Variants in FOXK1 observed in about 807,000 individuals in gnomAD.
The protein encoded by FOXK1 is forkhead box protein K1.
In FOXK1, 19 loss-of-function variants were observed where a neutral mutation model predicts 51.9. That is an observed-to-expected ratio of 0.37 (90% CI 0.26 to 0.54). The LOEUF is 0.54. Among genes scored for constraint, FOXK1 ranks in the 20% least tolerant of loss-of-function variants. The probability of loss-of-function intolerance (pLI) is 0.87; values close to 1 mark genes in which losing one functional copy is unlikely to be tolerated. For synonymous variants in FOXK1, 537 were observed against 482.6 expected (o/e 1.11, Z -1.48); for missense variants, 870 against 1,032.7 (o/e 0.84, Z 2.16).
Position 4,723,096 on chromosome 7 carries a change from T to G in FOXK1, c.561-17742T>G, listed in dbSNP as rs1243910957. 6.6e-6 allele frequency among the ~76,000 whole-genome samples: 1 copy of G among 151,902 alleles called. No homozygotes were observed. The highest frequency in any genetic ancestry group is 1.5e-5 in the Non-Finnish European group (1 of 68,004). ...CCCGTCTTCCCAAGCCTGTTGACGA[T>G]GATGGTAACGGCACCGTGCTCACTC... On this transcript the variant is annotated intron_variant, in intron 1 of 8. Coordinates refer to ENST00000328914, the MANE Select transcript of FOXK1 (RefSeq NM_001037165.2). This position sits in a 1 kb window ranked among gnomAD's most constrained non-coding sequence, Gnocchi z 4.7.
intron 1 of FOXK1, among the ~76,000 whole-genome samples, chr7:4,721,342 A>G (rs1780306700): frequency 6.6e-6 from 1 of 152,102 alleles, no homozygotes; most frequent in African/African-American, 2.4e-5. Context: ...GCAGCCCATA[A>G]TGGTGCAACC....
At position 4,722,541 on chromosome 7, in the gene FOXK1, G is replaced by A. The variant is rs974179030; in HGVS notation, c.561-18297G>A. Among the ~76,000 whole-genome samples, 6 of 152,214 alleles carry A rather than the reference G, an allele frequency of 3.9e-5. No individual in the cohort carries two copies. The highest frequency in any genetic ancestry group is 1.3e-4 in the Admixed American group (2 of 15,276). ...CCAGCGTGCTGGGACGGGTACACTC[G>A]TGCCTGTTAACCGCACACCTGCGTG... On this transcript the variant is annotated intron_variant, in intron 1 of 8. Transcript: ENST00000328914. This position sits in a 1 kb window ranked among gnomAD's most constrained non-coding sequence, Gnocchi z 5.1.
At position 4,754,544 on chromosome 7, in the gene FOXK1, C is replaced by T. The variant is rs770113527; in HGVS notation, c.832C>T (p.Leu278=). 1.1e-5 allele frequency: 17 copies of T among 1,611,522 alleles called. No individual in the cohort carries two copies. The highest frequency in any genetic ancestry group is 1.3e-5 in the African/African-American group (1 of 74,956). ...GCAGAACGTGACCTCGGACCTGCAG[C>T]TGGCAGCAGAGTTTGCAGCAAAGGC... The part of the protein sequence containing the change: ...FVQNVTSDLQ[L]AAEFAAKAAS... The change falls in exon 3 of 9, where the codon CTG becomes TTG. Residue 278 remains leucine (L), a synonymous_variant. Coordinates refer to ENST00000328914, the MANE Select transcript of FOXK1 (RefSeq NM_001037165.2).
At chr7:4,754,236 C>T (rs1485083026) in intron 2 of FOXK1, among the ~76,000 whole-genome samples, 1 of 152,234 alleles carries the variant, frequency 6.6e-6, no homozygotes, top group Non-Finnish European at 1.5e-5. Context: ...GTGCTCTCAG[C>T]CCCCGAGCAG....
intron 1 of FOXK1, among the ~76,000 whole-genome samples, chr7:4,702,499 T>C (rs1010252298): frequency 6.6e-6 from 1 of 152,170 alleles, no homozygotes; most frequent in African/African-American, 2.4e-5. Context: ...CGCGCCACCA[T>C]GCCTGGCTAA....
chr7:4,716,760 A>G (rs1408748465), intron 1 of FOXK1, among the ~76,000 whole-genome samples: 6 of 152,166 alleles, frequency 3.9e-5, no homozygotes, highest in Non-Finnish European at 8.8e-5. Context: ...GGGTGTCTCC[A>G]TTTTACTGGT....
intron 1 of FOXK1, among the ~76,000 whole-genome samples, chr7:4,716,455 A>G (rs1583192555): frequency 6.6e-6 from 1 of 152,266 alleles, no homozygotes; most frequent in Non-Finnish European, 1.5e-5. Flanking sequence ...GCCGTAAGCT[A>G]TGATGGCACC....
At chr7:4,721,599 T>C (rs1486310230) in intron 1 of FOXK1, among the ~76,000 whole-genome samples, 1 of 145,048 alleles carries the variant, frequency 6.9e-6, no homozygotes, top group African/African-American at 2.5e-5. Context: ...CTTTTTTTTT[T>C]TTTTTTTTTG....
At position 4,723,864 on chromosome 7, in the gene FOXK1, T is replaced by G. The variant is rs1335626206; in HGVS notation, c.561-16974T>G. Among the ~76,000 whole-genome samples the G allele has an allele frequency of 6.6e-6, 1 of 152,014 alleles. No homozygotes were observed. Among genetic ancestry groups the G allele is most frequent in the Non-Finnish European group, 1.5e-5 (1 of 68,014 alleles). ...TTTGTATTTTTGGTAAAGATGGGGA[T>G]CTCACTATGTTGCCCAGGCCGGTCT... On this transcript the variant is annotated intron_variant, in intron 1 of 8. Coordinates refer to ENST00000328914, the MANE Select transcript of FOXK1 (RefSeq NM_001037165.2). This position sits in a 1 kb window ranked among gnomAD's most constrained non-coding sequence, Gnocchi z 4.7.
rs142010184 is a variant in FOXK1, at chr7:4,750,900, C to T, written c.747-3559C>T. ...TGCATTTTCAGTAGAGACGGGATTT[C>T]TCTAAATCGGGCAGGCTGGTCTCGA... On this transcript the variant is annotated intron_variant, in intron 2 of 8. Transcript: ENST00000328914. Among the ~76,000 whole-genome samples the T allele has an allele frequency of 9.9e-5, 15 of 152,044 alleles. No individual in the cohort carries two copies. The East Asian group carries it at 2.9e-3, about 29-fold the overall frequency.
intron 1 of FOXK1, among the ~76,000 whole-genome samples, chr7:4,690,077 G>A (rs1028858595): frequency 6.6e-6 from 1 of 152,224 alleles, no homozygotes; most frequent in Admixed American, 6.5e-5. Flanking sequence ...GATTAGGGAG[G>A]GTTGGTCTGT....
Position 4,755,402 on chromosome 7 carries a change from G to C in FOXK1, c.1050+19G>C, listed in dbSNP as rs80027799. 6.2e-6 allele frequency: 10 copies of C among 1,612,596 alleles called. No individual in the cohort carries two copies. Among genetic ancestry groups the C allele is most frequent in the Non-Finnish European group, 8.5e-6 (10 of 1,179,478 alleles). Reference sequence around the variant, plus strand: ...CTGGCAGGTGAAGCCGAGTCCCCAGGGCCGGATCGCCTCTGAAGGCCCTTA... The same window carrying C: ...CTGGCAGGTGAAGCCGAGTCCCCAGCGCCGGATCGCCTCTGAAGGCCCTTA... On this transcript the variant is annotated intron_variant, in intron 4 of 8. Transcript: ENST00000328914. The surrounding 1 kb of genome is among the most constrained non-coding windows in gnomAD (Gnocchi z 6.6).
intron 2 of FOXK1, among the ~76,000 whole-genome samples, chr7:4,750,327 G>A (rs1376972079): frequency 6.6e-6 from 1 of 152,128 alleles, no homozygotes; most frequent in Non-Finnish European, 1.5e-5. Context: ...GTGATTCCCT[G>A]TTTCCTGGAA....
intron 1 of FOXK1, among the ~76,000 whole-genome samples, chr7:4,739,258 C>G (rs1780597760): frequency 1.3e-5 from 2 of 152,330 alleles, no homozygotes; most frequent in African/African-American, 4.8e-5. Context: ...TTCGGGAACT[C>G]TGAAAAGCGC....
Position 4,762,458 on chromosome 7 carries a change from G to C in FOXK1, c.2196G>C (p.Gly732=). 1 of 1,541,578 alleles carries C rather than the reference G, an allele frequency of 6.5e-7. No individual in the cohort carries two copies. The highest frequency in any genetic ancestry group is 1.2e-5 in the South Asian group (1 of 83,908). The part of the protein sequence containing the change: ...AAAGPQGPGT[G]E ...CCGGCCCCCAGGGGCCAGGCACCGG[G>C]GAGTGAGGTCACCTGCAACGCGGGG... The change falls in exon 9 of 9, where the codon GGG becomes GGC. Residue 732 remains glycine (G), a synonymous_variant. Transcript: ENST00000328914. This position sits in a 1 kb window ranked among gnomAD's most constrained non-coding sequence, Gnocchi z 5.7.
chr7:4,691,914 G>C (rs1281071978), intron 1 of FOXK1, among the ~76,000 whole-genome samples: 1 of 152,090 alleles, frequency 6.6e-6, no homozygotes, highest in Non-Finnish European at 1.5e-5. Context: ...ATGGCTGCTG[G>C]ACATTCTCTG....
intron 1 of FOXK1, among the ~76,000 whole-genome samples, chr7:4,710,699 A>T (rs1054909442): frequency 6.6e-6 from 1 of 152,056 alleles, no homozygotes; most frequent in Admixed American, 6.6e-5. Flanking sequence ...TTGCTTTGGA[A>T]GGGAGGGTCA....
rs538580806 is a variant in FOXK1, at chr7:4,753,348, T to G, written c.747-1111T>G. Among the ~76,000 whole-genome samples the G allele has an allele frequency of 2.6e-5, 4 of 152,252 alleles. No homozygotes were observed. Among genetic ancestry groups the G allele is most frequent in the Admixed American group, 6.5e-5 (1 of 15,296 alleles). On this transcript the variant is annotated intron_variant, in intron 2 of 8. Transcript: ENST00000328914. This position sits in a 1 kb window ranked among gnomAD's most constrained non-coding sequence, Gnocchi z 4.9. The stretch of plus-strand genomic sequence containing the variant: ...TTGTGCCTGGACAGTTAGGGAAGGA[T>G]GTTCCTGGCAGAGGAAAGGGCAGCA...
Position 4,767,998 on chromosome 7 carries a change from C to T in FOXK1, c.*5534C>T, listed in dbSNP as rs1293781522. The T allele has an allele frequency of 1.3e-5, 2 of 152,086 alleles. No homozygotes were observed. The highest frequency in any genetic ancestry group is 4.8e-5 in the African/African-American group (2 of 41,398). The allele number at this position is 152,086 out of a possible 1,614,324, so 9.4% of individuals were successfully genotyped here. A position where few individuals can be genotyped will look rare whatever the true frequency, so the allele number is the denominator to read the frequency against. ...CATTAGAGCTGCTGCGTCCTTTCCT[C>T]TGTCCTCCCTGTCACCCAAACCCCG... On this transcript the variant is annotated 3_prime_UTR_variant, in exon 9 of 9. Transcript: ENST00000328914. This position sits in a 1 kb window ranked among gnomAD's most constrained non-coding sequence, Gnocchi z 6.6.
Sources: gnomAD v4.1 joint callset for allele counts (sites outside exome capture counted in the v4.1 genomes callset) on GRCh38, gnomAD v4.1.1 for gene constraint, Gnocchi (gnomAD v3.1) non-coding constraint, MANE v1.5 for transcripts, NCBI Gene and HGNC (gene_info 2026-07-23, HGNC 2026-07-21) for gene names.